ISX: variants seen among roughly 807,000 people sequenced by gnomAD.
ISX encodes intestine specific homeobox, also known as intestine-specific homeobox.
A neutral mutation model predicts 16.9 loss-of-function variants in ISX; 15 were observed. That is an observed-to-expected ratio of 0.89 (90% CI 0.59 to 1.36). ISX has a LOEUF of 1.36. Among genes scored for constraint, ISX ranks in the 40% most tolerant of loss-of-function variants. The pLI is 0.00. For missense variants in ISX, 316 were observed against 306.1 expected, an observed-to-expected ratio of 1.03 and a Z score of -0.24; for synonymous variants, 125 against 119.7, an observed-to-expected ratio of 1.04 and a Z score of -0.29.
chr22:35,073,449 C>A (rs1928906540), intron 2 of ISX, among the ~76,000 whole-genome samples: 1 of 152,166 alleles, frequency 6.6e-6, no homozygotes, highest in African/African-American at 2.4e-5. Context: ...AATGTAGAAT[C>A]AATGGGATCC....
rs1929203961 is a variant in ISX, at chr22:35,084,614, G to A, written c.498+115G>A. ...GCTCTGTCTACAGGAAAAAGTGCAA[G>A]GAAAATTATATTAGAAACAGCATGG... is the stretch of plus-strand genomic sequence containing the variant. On this transcript the variant is annotated intron_variant, in intron 4 of 4. Coordinates refer to ENST00000404699, the MANE Select transcript of ISX (RefSeq NM_001303508.2). 1.1e-5 allele frequency: 7 copies of A among 621,812 alleles called. No homozygotes were observed. In the East Asian group the frequency reaches 2.1e-4, roughly 18 times the overall value. 38.5% of individuals were successfully genotyped at this position (621,812 alleles called of 1,614,324 possible). A position where few individuals can be genotyped will look rare whatever the true frequency, so the allele number is the denominator to read the frequency against.
chr22:35,084,388 G>T lies in ISX; in HGVS notation c.387G>T (p.Trp129Cys). ...TCCTTTCTCCCTGATTACAGATCTG[G>T]TTCCAGAATCAGCGAGCCAAGTGGC... ...INLPEARVQI[W>C]FQNQRAKWRK... Residue 129 changes from tryptophan to cysteine, a missense_variant, in exon 4 of 5, where the codon TGG becomes TGT. Transcript: ENST00000404699. 1 of 1,612,908 alleles carries T rather than the reference G, an allele frequency of 6.2e-7. No homozygotes were observed. The highest frequency in any genetic ancestry group is 8.5e-7 in the Non-Finnish European group (1 of 1,179,022).
chr22:35,074,599 A>C (rs1928934741), intron 2 of ISX, among the ~76,000 whole-genome samples: 1 of 151,382 alleles, frequency 6.6e-6, no homozygotes, highest in African/African-American at 2.4e-5. Flanking sequence ...GTAGATCTCT[A>C]ATCTGGGCAT....
intron 2 of ISX, among the ~76,000 whole-genome samples, chr22:35,072,423 G>A (rs1928879103): frequency 6.6e-6 from 1 of 152,216 alleles, no homozygotes; most frequent in Non-Finnish European, 1.5e-5. Flanking sequence ...TATTAAACCA[G>A]TGGCCCCTAT....
chr22:35,085,306 C>A, intron 4 of ISX, 148 bp from the exon 5 acceptor site: 1 of 950,480 alleles, frequency 1.1e-6, no homozygotes, highest in Non-Finnish European at 1.6e-6. Flanking sequence ...ACAGGACTTT[C>A]AGAGCTAAAC....
intron 2 of ISX, 28 bp downstream of exon 2, chr22:35,067,344 G>A: frequency 6.7e-7 from 1 of 1,496,042 alleles, no homozygotes; most frequent in South Asian, 1.2e-5. Flanking sequence ...ATTTCTTTCT[G>A]TTTCCTGGTC....
chr22:35,078,467 T>A (rs558659776), intron 2 of ISX, among the ~76,000 whole-genome samples: 234 of 151,934 alleles, frequency 1.5e-3, no homozygotes, highest in African/African-American at 4.8e-3. Context: ...TATCTTTTTT[T>A]AAAAACCCAT....
intron 2 of ISX, 132 bp from the exon 3 acceptor site, chr22:35,082,386 C>G (rs1468113133): frequency 3.6e-6 from 3 of 825,002 alleles, no homozygotes; most frequent in Admixed American, 2.3e-5. Flanking sequence ...TGTGAAGCTC[C>G]AAGCTCAAGA....
intron 2 of ISX, among the ~76,000 whole-genome samples, chr22:35,073,093 G>C (rs750569308): frequency 6.6e-6 from 1 of 152,190 alleles, no homozygotes; most frequent in African/African-American, 2.4e-5. Flanking sequence ...AACAGTCCTC[G>C]AGGGACAGCC....
intron 2 of ISX, among the ~76,000 whole-genome samples, chr22:35,073,637 C>A (rs537161065): frequency 6.6e-6 from 1 of 152,282 alleles, no homozygotes; most frequent in South Asian, 2.1e-4. Context: ...CCACGGAGGT[C>A]AGAAAATGCT....
Position 35,085,518 on chromosome 22 carries a change from C to T in ISX, c.563C>T (p.Ala188Val). The T allele has an allele frequency of 6.2e-7, 1 of 1,614,206 alleles. No individual in the cohort carries two copies. The highest frequency in any genetic ancestry group is 8.5e-7 in the Non-Finnish European group (1 of 1,180,024). Residue 188 changes from alanine (A) to valine (V), a missense_variant, in exon 5 of 5, where the codon GCT (alanine) becomes GTT (valine). Transcript: ENST00000404699. ...LAPPTSCCPS[A>V]QDQLASAWFP... ...CCTCCCACGAGCTGTTGTCCATCGGCTCAAGATCAGCTGGCCTCTGCCTGG... is the reference window on the plus strand; with the variant it reads ...CCTCCCACGAGCTGTTGTCCATCGGTTCAAGATCAGCTGGCCTCTGCCTGG...
At position 35,086,104 on chromosome 22, in the gene ISX, G is replaced by C. The variant is rs750236687; in HGVS notation, c.*411G>C. 1.6e-4 allele frequency: 46 copies of C among 285,300 alleles called. No homozygotes were observed. The highest frequency in any genetic ancestry group is 2.4e-4 in the Admixed American group (5 of 20,654). 17.7% of individuals were successfully genotyped at this position (285,300 alleles called of 1,614,324 possible). On this transcript the variant is annotated 3_prime_UTR_variant, in exon 5 of 5. Coordinates refer to ENST00000404699, the MANE Select transcript of ISX (RefSeq NM_001303508.2). ...AAGACGCTTCCATGGTGGGCACTGA[G>C]GCACAGAGGAGGCCAAGGAGAGGTT...
intron 2 of ISX, among the ~76,000 whole-genome samples, chr22:35,072,184 C>T (rs361643): frequency 0.3 from 45,734 of 151,828 alleles, 7,367 homozygotes; most frequent in East Asian, 0.63. Context: ...ACAGGGATAC[C>T]TGGAGACTGG....
Position 35,085,926 on chromosome 22 carries a change from C to A in ISX, c.*233C>A. On this transcript the variant is annotated 3_prime_UTR_variant, in exon 5 of 5. Coordinates refer to ENST00000404699, the MANE Select transcript of ISX (RefSeq NM_001303508.2). ...AAAGCTGCTCTCCTGGTTCAGAAGA[C>A]AGGCTGGATGAGATCTCAGGCCGAG... is the stretch of plus-strand genomic sequence containing the variant. 1.7e-6 allele frequency: 1 copy of A among 574,968 alleles called. No homozygotes were observed. The allele number at this position is 574,968 out of a possible 1,614,324, so 35.6% of individuals were successfully genotyped here. A position where few individuals can be genotyped will look rare whatever the true frequency, so the allele number is the denominator to read the frequency against.
At chr22:35,078,528 G>A (rs1012422225) in intron 2 of ISX, among the ~76,000 whole-genome samples, 1 of 152,160 alleles carries the variant, frequency 6.6e-6, no homozygotes, top group African/African-American at 2.4e-5. Context: ...TAGAGAAGGA[G>A]AGGCAGAGAT....
At chr22:35,068,512 C>T (rs928336921) in intron 2 of ISX, among the ~76,000 whole-genome samples, 1 of 152,182 alleles carries the variant, frequency 6.6e-6, no homozygotes, top group Non-Finnish European at 1.5e-5. Flanking sequence ...TAATATCTTC[C>T]AGTCCATTAA....
chr22:35,076,434 A>G (rs1928981725), intron 2 of ISX, among the ~76,000 whole-genome samples: 2 of 152,216 alleles, frequency 1.3e-5, no homozygotes, highest in Admixed American at 1.3e-4. Context: ...GGAGCCAAAG[A>G]AAGTCTGTGG....
chr22:35,079,409 C>T (rs997119659), intron 2 of ISX, among the ~76,000 whole-genome samples: 4 of 152,128 alleles, frequency 2.6e-5, no homozygotes, highest in African/African-American at 7.2e-5. Context: ...AGAGCAGAGC[C>T]TGAATTCTAC....
At chr22:35,081,809 C>T (rs1453429468) in intron 2 of ISX, among the ~76,000 whole-genome samples, 1 of 152,160 alleles carries the variant, frequency 6.6e-6, no homozygotes, top group Non-Finnish European at 1.5e-5. Flanking sequence ...AATAAAAACC[C>T]ACTATGACAA....
Sources: allele counts gnomAD v4.1 joint callset (sites outside exome capture counted in the v4.1 genomes callset), GRCh38; gene constraint gnomAD v4.1.1; transcripts MANE v1.5; gene names NCBI Gene and HGNC (gene_info 2026-07-23, HGNC 2026-07-21).